Variants in DRD2 observed in about 807,000 individuals in gnomAD.
The protein encoded by DRD2 is D(2) dopamine receptor.
Under a neutral mutation model 38.0 loss-of-function variants are expected in DRD2, and 8 were observed. The ratio of observed to expected loss-of-function variants is 0.21; its 90% confidence interval spans 0.12 to 0.38. The LOEUF is 0.38. Ranked by LOEUF, DRD2 falls within the 10% of genes least tolerant of loss-of-function variation. DRD2 has a pLI of 1.00. For synonymous variants in DRD2, 230 were observed against 238.6 expected (o/e 0.96, Z 0.33); for missense variants, 403 against 607.7 (o/e 0.66, Z 3.54).
chr11:113,416,148 A>G (rs1302957105), intron 4 of DRD2, among the ~76,000 whole-genome samples: 4 of 152,154 alleles, frequency 2.6e-5, no homozygotes, highest in African/African-American at 9.7e-5. Context: ...TAATCCAAGT[A>G]TGTTTAGTGT....
At chr11:113,461,096 G>C (rs974471609) in intron 1 of DRD2, among the ~76,000 whole-genome samples, 2 of 152,250 alleles carry the variant, frequency 1.3e-5, no homozygotes, top group Admixed American at 1.3e-4. Flanking sequence ...GCTCAGACCT[G>C]CTGGGAGATA....
chr11:113,429,561 T>G (rs1440766097), intron 1 of DRD2, among the ~76,000 whole-genome samples: 1 of 152,194 alleles, frequency 6.6e-6, no homozygotes, highest in Non-Finnish European at 1.5e-5. Context: ...GGGCTATCTT[T>G]TAACACCTGG....
intron 1 of DRD2, among the ~76,000 whole-genome samples, chr11:113,425,458 C>T (rs1022737181): frequency 9.2e-5 from 14 of 152,112 alleles, no homozygotes; most frequent in African/African-American, 3.4e-4. Flanking sequence ...AGGGTTGAGT[C>T]TGGGGAGGTT....
intron 1 of DRD2, among the ~76,000 whole-genome samples, chr11:113,450,551 A>G (rs1565674508): frequency 6.6e-6 from 1 of 152,260 alleles, no homozygotes; most frequent in Non-Finnish European, 1.5e-5. Context: ...AAAGCAGTTA[A>G]TAAAATAGTC....
Position 113,473,110 on chromosome 11 carries a change from A to G in DRD2, c.-32+1966T>C, listed in dbSNP as rs150522987. On this transcript the variant is annotated intron_variant, in intron 1 of 7. Transcript: ENST00000362072. ...TTAGGAATATTTAAGATATCAGCAAATGGTTGCCAAGGTACATGATTCTTT... is the reference window on the plus strand; with the variant it reads ...TTAGGAATATTTAAGATATCAGCAAGTGGTTGCCAAGGTACATGATTCTTT... 2.9e-3 allele frequency among the ~76,000 whole-genome samples: 447 copies of G among 152,342 alleles called. 1 individual carries two copies. The highest frequency in any genetic ancestry group is 9.8e-3 in the African/African-American group (406 of 41,580).
In DRD2 at chr11:113,410,671, T is replaced by C; in HGVS notation, c.*56A>G. The stretch of plus-strand genomic sequence containing the variant: ...TGCTCACGGTTCGCAAGGGTGAGGC[T>C]GGCCGGCCTGGGCAGGGAGGTGGGA... On this transcript the variant is annotated 3_prime_UTR_variant, in exon 8 of 8. Transcript: ENST00000362072. 1 of 1,609,740 alleles carries C rather than the reference T, an allele frequency of 6.2e-7. No homozygotes were observed. The highest frequency in any genetic ancestry group is 8.5e-7 in the Non-Finnish European group (1 of 1,177,030).
intron 1 of DRD2, among the ~76,000 whole-genome samples, chr11:113,431,157 C>T (rs112251093): frequency 1.3e-5 from 2 of 152,154 alleles, no homozygotes. Flanking sequence ...TAGTGAGCAC[C>T]AAATACATGC....
At chr11:113,453,962 T>C (rs1951241584) in intron 1 of DRD2, among the ~76,000 whole-genome samples, 1 of 152,082 alleles carries the variant, frequency 6.6e-6, no homozygotes, top group Admixed American at 6.6e-5. Flanking sequence ...GGAACTAATA[T>C]TAGGAAGGAA....
chr11:113,443,488 A>T (rs1348477901), intron 1 of DRD2, among the ~76,000 whole-genome samples: 1 of 152,192 alleles, frequency 6.6e-6, no homozygotes, highest in African/African-American at 2.4e-5. Context: ...CTCTCTAGTG[A>T]CCTCCAAGTT....
rs555543182 is a variant in DRD2, at chr11:113,409,853, G to A, written c.*874C>T. 2.5e-4 allele frequency: 38 copies of A among 152,876 alleles called. No individual in the cohort carries two copies. The highest frequency in any genetic ancestry group is 8.5e-4 in the Admixed American group (13 of 15,314). The allele number at this position is 152,876 out of a possible 1,614,324, so 9.5% of individuals were successfully genotyped here. A position where few individuals can be genotyped will look rare whatever the true frequency, so the allele number is the denominator to read the frequency against. ...AGAAAAGGAAAGTGGTTTTGCGTCAGAGTGTGGCAGAGGCAGTCCCTCAAA... is the reference window on the plus strand; with the variant it reads ...AGAAAAGGAAAGTGGTTTTGCGTCAAAGTGTGGCAGAGGCAGTCCCTCAAA... On this transcript the variant is annotated 3_prime_UTR_variant, in exon 8 of 8. Transcript: ENST00000362072.
chr11:113,419,517 C>A (rs1045456516), intron 2 of DRD2, among the ~76,000 whole-genome samples: 1 of 148,592 alleles, frequency 6.7e-6, no homozygotes, highest in South Asian at 2.2e-4. Flanking sequence ...CCCATTCACA[C>A]ACAGGCACAC....
intron 6 of DRD2, chr11:113,414,064 G>A (rs566187674): frequency 1.2e-4 from 47 of 398,502 alleles, no homozygotes; most frequent in South Asian, 4.0e-4. Context: ...TCCCGGGGTC[G>A]TGGTGAGGAT....
intron 1 of DRD2, chr11:113,474,437 G>C (rs945859864): frequency 6.6e-6 from 1 of 152,346 alleles, no homozygotes; most frequent in Non-Finnish European, 1.5e-5. Flanking sequence ...AAACGGGTCT[G>C]GCACCCAAGC....
chr11:113,423,735 C>G (rs1397055692), intron 2 of DRD2, among the ~76,000 whole-genome samples: 2 of 152,178 alleles, frequency 1.3e-5, no homozygotes, highest in Admixed American at 1.3e-4. Flanking sequence ...AGTGACTACA[C>G]AATTCTTCCT....
At chr11:113,458,227 G>A (rs532820950) in intron 1 of DRD2, among the ~76,000 whole-genome samples, 7 of 152,212 alleles carry the variant, frequency 4.6e-5, no homozygotes, top group African/African-American at 1.2e-4. Flanking sequence ...CAGTGTATGG[G>A]CTTTTGTTTT....
intron 7 of DRD2, chr11:113,412,195 T>C (rs1950775609): frequency 5.8e-6 from 2 of 345,610 alleles, no homozygotes; most frequent in Admixed American, 4.2e-5. Context: ...AGAAGTAACC[T>C]ACTCTACAGA....
chr11:113,463,650 CG>C (rs750821797), intron 1 of DRD2, among the ~76,000 whole-genome samples: 1 of 152,054 alleles, frequency 6.6e-6, no homozygotes, highest in Non-Finnish European at 1.5e-5. Flanking sequence ...TGCGTGTTTG[CG>C]GGGGCGGGGC....
intron 1 of DRD2, among the ~76,000 whole-genome samples, chr11:113,474,828 A>C (rs1263112619): frequency 6.6e-6 from 1 of 151,756 alleles, no homozygotes; most frequent in African/African-American, 2.4e-5. Flanking sequence ...CGGGGAGAGG[A>C]TTCCCTTCTA....
At chr11:113,418,510 T>C (rs1448935743) in intron 2 of DRD2, among the ~76,000 whole-genome samples, 1 of 152,176 alleles carries the variant, frequency 6.6e-6, no homozygotes, top group Non-Finnish European at 1.5e-5. Context: ...TGACTATATT[T>C]TTCTATCTTC....
Sources: gnomAD v4.1 joint callset for allele counts (sites outside exome capture counted in the v4.1 genomes callset) on GRCh38, gnomAD v4.1.1 for gene constraint, MANE v1.5 for transcripts, NCBI Gene and HGNC (gene_info 2026-07-23, HGNC 2026-07-21) for gene names.